The following KL variants were observed in gnomAD, a reference collection of about 807,000 sequenced individuals.
KL encodes the protein klotho.
A neutral mutation model predicts 84.2 loss-of-function variants in KL; 62 were observed. The observed-to-expected ratio is 0.74, with a 90% CI of 0.60 to 0.91. The LOEUF is 0.91. KL is among the 40% of genes least tolerant of loss of function. The pLI is 0.00. For synonymous variants in KL, 528 were observed against 528.0 expected, an observed-to-expected ratio of 1.00 and a Z score of 0.00; for missense variants, 1,261 against 1,305.7, an observed-to-expected ratio of 0.97 and a Z score of 0.53.
Position 33,055,151 on chromosome 13 carries a change from G to A in KL, c.1435G>A (p.Val479Ile), listed in dbSNP as rs769417229. The A allele has an allele frequency of 6.2e-7, 1 of 1,614,206 alleles. No individual in the cohort carries two copies. The highest frequency in any genetic ancestry group is 8.5e-7 in the Non-Finnish European group (1 of 1,180,048). Residue 479 changes from valine (V) to isoleucine (I), a missense_variant, in exon 3 of 5, where the codon GTT (valine) becomes ATT (isoleucine). Coordinates refer to ENST00000380099, the MANE Select transcript of KL (RefSeq NM_004795.4). ...CAGCATCAGGCGTGGACTCTTCTAT[G>A]TTGACTTTCTAAGCCAGGACAAGAT... ...GYSIRRGLFY[V>I]DFLSQDKMLL... is the part of the protein sequence containing the mutation.
chr13:33,060,882 G>C lies in KL; in HGVS notation c.1803G>C (p.Leu601=), dbSNP rs746729562. The change falls in exon 4 of 5, where the codon CTG becomes CTC. Residue 601 remains leucine (L), a synonymous_variant. Coordinates refer to ENST00000380099, the MANE Select transcript of KL (RefSeq NM_004795.4). ...TTCGCTTCTCCCTGGACTGGGCCCTGATTCTCCCTCTGGGTAACCAGTCCC... is the reference window on the plus strand; with the variant it reads ...TTCGCTTCTCCCTGGACTGGGCCCTCATTCTCCCTCTGGGTAACCAGTCCC... ...THFRFSLDWA[L]ILPLGNQSQV... 9 of 1,614,210 alleles carry C rather than the reference G, an allele frequency of 5.6e-6. No individual in the cohort carries two copies. The highest frequency in any genetic ancestry group is 1.3e-5 in the African/African-American group (1 of 75,056).
At chr13:33,029,586 T>C (rs564823) in intron 1 of KL, among the ~76,000 whole-genome samples, 42,686 of 152,146 alleles carry the variant, frequency 0.28, 6,504 homozygotes, top group East Asian at 0.47. Context: ...TATGTCTTAG[T>C]TCATTTTGTA....
chr13:33,039,177 T>C (rs77242474), intron 1 of KL, among the ~76,000 whole-genome samples: 1,608 of 152,336 alleles, frequency 0.011, 82 homozygotes, highest in East Asian at 0.085. Context: ...TCCATGGTGA[T>C]CATTTATTGC....
intron 1 of KL, among the ~76,000 whole-genome samples, chr13:33,025,730 A>G (rs769353416): frequency 7.2e-5 from 11 of 152,220 alleles, no homozygotes; most frequent in Non-Finnish European, 1.2e-4. Context: ...AATTTTGTTC[A>G]TGCCGCCCAA....
intron 1 of KL, among the ~76,000 whole-genome samples, chr13:33,042,902 G>T (rs558121893): frequency 5.8e-4 from 89 of 152,218 alleles, no homozygotes; most frequent in African/African-American, 2.0e-3. Context: ...GGCTGGTCTC[G>T]AAGTCCTGAC....
intron 1 of KL, among the ~76,000 whole-genome samples, chr13:33,029,622 GTTATTTAT>G (rs573407299): frequency 6.6e-6 from 1 of 152,000 alleles, no homozygotes; most frequent in Non-Finnish European, 1.5e-5. Flanking sequence ...CTGAGACTAG[GTTATTTAT>G]TTATTTATTT....
chr13:33,056,770 C>A (rs1871977005), intron 3 of KL, among the ~76,000 whole-genome samples: 1 of 152,014 alleles, frequency 6.6e-6, no homozygotes, highest in Admixed American at 6.6e-5. Context: ...TGCGCCACTG[C>A]ACTCCAGCCT....
chr13:33,052,841 T>A (rs1871804243), intron 1 of KL, among the ~76,000 whole-genome samples: 1 of 152,118 alleles, frequency 6.6e-6, no homozygotes, highest in Non-Finnish European at 1.5e-5. Flanking sequence ...AAACAACACT[T>A]GTATTTGTAG....
intron 1 of KL, among the ~76,000 whole-genome samples, chr13:33,051,756 T>G (rs1345337998): frequency 2.0e-5 from 3 of 152,188 alleles, no homozygotes; most frequent in Non-Finnish European, 1.5e-5. Context: ...ATGCATTCTT[T>G]GTTTGCTTTC....
At chr13:33,058,231 G>A (rs187178136) in intron 3 of KL, among the ~76,000 whole-genome samples, 12 of 151,804 alleles carry the variant, frequency 7.9e-5, no homozygotes, top group African/African-American at 4.8e-5. Context: ...TTTAATAGCC[G>A]TTCCTTCTGA....
chr13:33,056,763 G>A (rs1593809215), intron 3 of KL, among the ~76,000 whole-genome samples: 2 of 151,888 alleles, frequency 1.3e-5, no homozygotes, highest in South Asian at 2.1e-4. Context: ...CCGAGATTGC[G>A]CCACTGCACT....
intron 1 of KL, among the ~76,000 whole-genome samples, chr13:33,049,618 G>C (rs1205563645): frequency 1.3e-5 from 2 of 152,168 alleles, no homozygotes; most frequent in Non-Finnish European, 2.9e-5. Context: ...ATACCTTAGA[G>C]AGCTGCACCT....
Position 33,016,686 on chromosome 13 carries a change from G to C in KL, c.246G>C (p.Gln82His). ...AAYQTEGGWQ[Q>H]HGKGASIWDT... ...ACCAGACCGAGGGCGGCTGGCAGCA[G>C]CACGGCAAGGGTGCGTCCATCTGGG... Residue 82 changes from glutamine (Q) to histidine (H), a missense_variant, in exon 1 of 5, where the codon CAG (glutamine) becomes CAC (histidine). Coordinates refer to ENST00000380099, the MANE Select transcript of KL (RefSeq NM_004795.4). 1.2e-6 allele frequency: 2 copies of C among 1,603,512 alleles called. No individual in the cohort carries two copies. Among genetic ancestry groups the C allele is most frequent in the Non-Finnish European group, 1.7e-6 (2 of 1,175,656 alleles).
At chr13:33,043,682 A>C (rs1283116596) in intron 1 of KL, among the ~76,000 whole-genome samples, 1 of 152,178 alleles carries the variant, frequency 6.6e-6, no homozygotes, top group Non-Finnish European at 1.5e-5. Flanking sequence ...TATTTTGCTC[A>C]TGGTGGGAAG....
intron 3 of KL, among the ~76,000 whole-genome samples, chr13:33,055,980 T>C (rs1566508098): frequency 2.0e-5 from 3 of 152,344 alleles, no homozygotes; most frequent in South Asian, 2.1e-4. Flanking sequence ...TAAGCACTTA[T>C]TGGATGTCTA....
intron 2 of KL, 114 bp downstream of exon 2, chr13:33,054,391 T>C: frequency 8.9e-7 from 1 of 1,129,458 alleles, no homozygotes. Context: ...ATGGAGACAT[T>C]CATTTTGGCA....
At chr13:33,057,236 C>A (rs1274972986) in intron 3 of KL, among the ~76,000 whole-genome samples, 1 of 152,080 alleles carries the variant, frequency 6.6e-6, no homozygotes, top group Admixed American at 6.5e-5. Flanking sequence ...CACAATCTCC[C>A]AGCCAGCATT....
intron 1 of KL, among the ~76,000 whole-genome samples, chr13:33,030,624 T>C (rs1870940070): frequency 6.6e-6 from 1 of 152,150 alleles, no homozygotes; most frequent in Non-Finnish European, 1.5e-5. Flanking sequence ...TCTCCTGCAA[T>C]AATCAGGAAC....
chr13:33,016,383 CG>C, upstream of KL: 1 of 183,490 alleles, frequency 5.4e-6, no homozygotes, highest in South Asian at 2.0e-4. Context: ...GCGGGCGCGG[CG>C]GGGCGCGGGC....
Sources: gnomAD v4.1 joint callset for allele counts (sites outside exome capture counted in the v4.1 genomes callset) on GRCh38, gnomAD v4.1.1 for gene constraint, MANE v1.5 for transcripts, NCBI Gene and HGNC (gene_info 2026-07-23, HGNC 2026-07-21) for gene names.